Variants in SPTBN5 observed in about 807,000 individuals in gnomAD.
SPTBN5 encodes the protein spectrin beta, non-erythrocytic 5, also known as spectrin beta chain, non-erythrocytic 5.
A neutral mutation model predicts 477.6 loss-of-function variants in SPTBN5; 513 were observed. That is an observed-to-expected ratio of 1.07 (90% CI 1.00 to 1.16). The LOEUF (loss-of-function observed/expected upper bound fraction) is 1.16, where lower values mean the gene tolerates loss of function less well. Ranked by LOEUF, SPTBN5 falls within the 50% of genes most tolerant of loss-of-function variation. The pLI is 0.00. For missense variants in SPTBN5, 5,062 were observed against 4,731.8 expected, an observed-to-expected ratio of 1.07 and a Z score of -2.05; for synonymous variants, 2,169 against 2,011.7, an observed-to-expected ratio of 1.08 and a Z score of -2.09.
At position 41,871,898 on chromosome 15, in the gene SPTBN5, T is replaced by C; in HGVS notation, c.5185A>G (p.Thr1729Ala). 1 of 1,581,864 alleles carries C rather than the reference T, an allele frequency of 6.3e-7. No individual in the cohort carries two copies. The highest frequency in any genetic ancestry group is 2.3e-5 in the East Asian group (1 of 43,070). ...AATRDRELEGTLRLHEFLREA... is the reference protein window; with the variant it reads ...AATRDRELEGALRLHEFLREA... ...CTCAGGAACTCATGCAGCCTCAGGG[T>C]CCCCTCCAGTTCCCGGTCCCTGTGG... The change falls in exon 28 of 68, where the codon ACC becomes GCC. Residue 1729 changes from threonine (T) to alanine (A), a missense_variant. Coordinates refer to ENST00000320955, the MANE Select transcript of SPTBN5 (RefSeq NM_016642.4).
chr15:41,852,453 T>G, intron 61 of SPTBN5, 137 bp from the exon 62 acceptor site: 1 of 1,374,374 alleles, frequency 7.3e-7, no homozygotes, highest in African/African-American at 1.4e-5. Context: ...CTTTCAGCTT[T>G]GGCTCTGGAG....
Position 41,873,959 on chromosome 15 carries a change from GGGGTGCCCTGA to G in SPTBN5, c.4765_4775del (p.Ser1589ProfsTer24). ...ACTGCTCCACGATGTGTTGGGCTTG[GGGGTGCCCTGA>G]GGCTGCCAGGCTCCGCCCAGAACTC... is the stretch of plus-strand genomic sequence containing the variant. On this transcript the variant is annotated frameshift_variant, in exon 25 of 68. Transcript: ENST00000320955. LOFTEE classifies it high-confidence loss of function. 6.2e-7 allele frequency: 1 copy of G among 1,608,700 alleles called. No homozygotes were observed. The highest frequency in any genetic ancestry group is 8.5e-7 in the Non-Finnish European group (1 of 1,179,860).
At chr15:41,864,494 C>T (rs564068036) in intron 39 of SPTBN5, among the ~76,000 whole-genome samples, 6 of 152,150 alleles carry the variant, frequency 3.9e-5, no homozygotes, top group Non-Finnish European at 5.9e-5. Context: ...TTGTATTTTT[C>T]GTAGAGATGG....
Position 41,862,664 on chromosome 15 carries a change from CG to C in SPTBN5, c.7264-5del. Reference sequence around the variant, plus strand: ...GGCCCACTTCACGCTCTAGGGACTGCGGGGGAAGCCGGGGTCAGAGGCTGGG... The same window carrying C: ...GGCCCACTTCACGCTCTAGGGACTGCGGGGAAGCCGGGGTCAGAGGCTGGG... On this transcript the variant is annotated splice_region_variant and splice_polypyrimidine_tract_variant and intron_variant, in intron 42 of 67. Coordinates refer to ENST00000320955, the MANE Select transcript of SPTBN5 (RefSeq NM_016642.4). The C allele has an allele frequency of 1.3e-6, 2 of 1,547,504 alleles. No homozygotes were observed.
Position 41,868,384 on chromosome 15 carries a change from G to A in SPTBN5, c.6057+14C>T, listed in dbSNP as rs780358467. ...CAGCTAGGGTATGTGGGGGCACCAG[G>A]GGAGGGGGCCCACCTCCTTGGTGGG... On this transcript the variant is annotated intron_variant, in intron 33 of 67. Coordinates refer to ENST00000320955, the MANE Select transcript of SPTBN5 (RefSeq NM_016642.4). 4 of 1,594,234 alleles carry A rather than the reference G, an allele frequency of 2.5e-6. No homozygotes were observed. In the Admixed American group the frequency reaches 5.1e-5, roughly 20 times the overall value.
Position 41,851,080 on chromosome 15 carries a change from C to T in SPTBN5, c.10814G>A (p.Arg3605Lys). The T allele has an allele frequency of 6.2e-7, 1 of 1,612,710 alleles. No homozygotes were observed. Reference sequence around the variant, plus strand: ...TCACCTTAAGGAGAATGTGTGTTTCCTGCCGTGGCGGCCCCGCAGCCTCTC... The same window carrying T: ...TCACCTTAAGGAGAATGTGTGTTTCTTGCCGTGGCGGCCCCGCAGCCTCTC... ...RCERLRGRHGRKHTFSLRLTS... is the reference protein window; with the variant it reads ...RCERLRGRHGKKHTFSLRLTS... The change falls in exon 65 of 68, where the codon AGG becomes AAG. Residue 3605 changes from arginine (R) to lysine (K), a missense_variant. Arg to Lys is a conservative substitution (Grantham distance 26). Transcript: ENST00000320955.
chr15:41,866,297 T>C, intron 37 of SPTBN5, 47 bp downstream of exon 37: 1 of 1,571,156 alleles, frequency 6.4e-7, no homozygotes, highest in South Asian at 1.2e-5. Flanking sequence ...ACATTGCCCC[T>C]GGGCCACACT....
chr15:41,876,912 G>A lies in SPTBN5; in HGVS notation c.3748C>T (p.His1250Tyr). ...CTCAGGAGCCGCCCAAACTCCCGGTGCTGCTGCAGCAGGCTCAGGGCCTCC... is the reference window on the plus strand; with the variant it reads ...CTCAGGAGCCGCCCAAACTCCCGGTACTGCTGCAGCAGGCTCAGGGCCTCC... ...VREALSLLQQ[H>Y]REFGRLLSTL... The change falls in exon 19 of 68, where the codon CAC (histidine) becomes TAC (tyrosine). Residue 1250 changes from histidine (H) to tyrosine (Y), a missense_variant. Physicochemically the swap from His to Tyr is moderately conservative, Grantham distance 83. Transcript: ENST00000320955. 2 of 1,610,138 alleles carry A rather than the reference G, an allele frequency of 1.2e-6. No homozygotes were observed.
rs777507210 is a variant in SPTBN5, at chr15:41,867,067, A to C, written c.6372T>G (p.Leu2124=). 19 of 1,549,200 alleles carry C rather than the reference A, an allele frequency of 1.2e-5. No homozygotes were observed. The highest frequency in any genetic ancestry group is 1.7e-5 in the Non-Finnish European group (19 of 1,147,806). Residue 2124 remains leucine (L), a synonymous_variant, in exon 36 of 68, where the codon CTT becomes CTG. Coordinates refer to ENST00000320955, the MANE Select transcript of SPTBN5 (RefSeq NM_016642.4). ...TCATCCGGCGCTGCAGCAGGATGGG[A>C]AGCCGGTCCCGCACCCGGGGGCGCC... ...TLRRPRVRDR[L]PILLQRRMRV... is the part of the protein sequence containing the mutation.
chr15:41,861,221 G>A (rs1205671683), intron 46 of SPTBN5, among the ~76,000 whole-genome samples, 198 bp downstream of exon 46: 1 of 152,212 alleles, frequency 6.6e-6, no homozygotes, highest in Non-Finnish European at 1.5e-5. Context: ...GTTCGCGGTG[G>A]GGCCTGCCCA....
chr15:41,855,762 G>A lies in SPTBN5; in HGVS notation c.9022-17C>T. On this transcript the variant is annotated splice_polypyrimidine_tract_variant and intron_variant, in intron 53 of 67. Transcript: ENST00000320955. ...CTCCAGGAGCTGGGGGTGACAGAGT[G>A]GAGATCCGTTTTCCCGGGGCACCCT... is the stretch of plus-strand genomic sequence containing the variant. 6.4e-7 allele frequency: 1 copy of A among 1,552,680 alleles called. No homozygotes were observed. Among genetic ancestry groups the A allele is most frequent in the East Asian group, 2.3e-5 (1 of 42,750 alleles).
chr15:41,874,972 G>T lies in SPTBN5; in HGVS notation c.4372C>A (p.Gln1458Lys), dbSNP rs1275353320. ...CTCTCCAGCTGTTGGTGCCGTTTCTGCAGCCTCTGGCTGGAGCGCAGGTCC... is the reference window on the plus strand; with the variant it reads ...CTCTCCAGCTGTTGGTGCCGTTTCTTCAGCCTCTGGCTGGAGCGCAGGTCC... Reference protein sequence around the residue: ...GQDLRSSQRLQKRHQQLESES... With the variant: ...GQDLRSSQRLKKRHQQLESES... Residue 1458 changes from glutamine (Q) to lysine (K), a missense_variant, in exon 23 of 68, where the codon CAG becomes AAG. By Grantham distance (53) the Gln-to-Lys change is moderately conservative (BLOSUM62 1). Transcript: ENST00000320955. 1 of 1,613,708 alleles carries T rather than the reference G, an allele frequency of 6.2e-7. No individual in the cohort carries two copies. Among genetic ancestry groups the T allele is most frequent in the East Asian group, 2.2e-5 (1 of 44,870 alleles).
rs1162793817 is a variant in SPTBN5, at chr15:41,876,124, G to A, written c.4112C>T (p.Ala1371Val). 1.2e-6 allele frequency: 2 copies of A among 1,600,594 alleles called. No homozygotes were observed. Among genetic ancestry groups the A allele is most frequent in the Non-Finnish European group, 8.5e-7 (1 of 1,178,260 alleles). ...ELLATRRHVE[A>V]LQQVGRELLS... is the part of the protein sequence containing the mutation. ...TCCCGTGTCCCCCACCTGCTGCAGG[G>A]CCTCCACGTGTCTGCGGGTGGCGAG... Residue 1371 changes from alanine to valine, a missense_variant, in exon 21 of 68, where the codon GCC (alanine) becomes GTC (valine). By Grantham distance (64) the Ala-to-Val change is moderately conservative. Coordinates refer to ENST00000320955, the MANE Select transcript of SPTBN5 (RefSeq NM_016642.4).
chr15:41,854,841 T>C lies in SPTBN5; in HGVS notation c.9559A>G (p.Arg3187Gly), dbSNP rs762482758. The change falls in exon 56 of 68, where the codon AGG becomes GGG. Residue 3187 changes from arginine to glycine, a missense_variant. Arg to Gly is a moderately radical substitution (Grantham distance 125). Transcript: ENST00000320955. ...TCCCAAGCAGCCTCAATGCGGCTCC[T>C]CTGGGCTTGGATGTGGGGATAGCGC... is the stretch of plus-strand genomic sequence containing the variant. ...PRRYPHIQAQ[R>G]SRIEAAWERL... 2.5e-6 allele frequency: 4 copies of C among 1,604,446 alleles called. No individual in the cohort carries two copies. In the Admixed American group the frequency reaches 6.8e-5, roughly 27 times the overall value.
In SPTBN5 at chr15:41,865,824, C is replaced by T. The variant is rs189675082; in HGVS notation, c.6902G>A (p.Arg2301Gln). 657 of 1,564,560 alleles carry T rather than the reference C, an allele frequency of 4.2e-4. 5 individuals are homozygous for T. The East Asian group carries it at 0.014, about 32-fold the overall frequency. The change falls in exon 39 of 68, where the codon CGA becomes CAA. Residue 2301 changes from arginine to glutamine, a missense_variant. Coordinates refer to ENST00000320955, the MANE Select transcript of SPTBN5 (RefSeq NM_016642.4). ...LQLRRRLREF[R>Q]GNSAGDTVGD... The stretch of plus-strand genomic sequence containing the variant: ...CCCTCTTACCCCGGCCGAGTTTCCT[C>T]GGAACTCGCGGAGCCGCCGTCGGAG...
chr15:41,871,715 G>C (rs2066542673), intron 28 of SPTBN5, 67 bp downstream of exon 28: 3 of 1,443,356 alleles, frequency 2.1e-6, no homozygotes, highest in African/African-American at 1.4e-5. Flanking sequence ...CGCCCCGCCA[G>C]AGCCAGCTTC....
chr15:41,882,989 C>T lies in SPTBN5; in HGVS notation c.1892+7G>A, dbSNP rs2067024643. The T allele has an allele frequency of 3.3e-6, 5 of 1,534,598 alleles. No individual in the cohort carries two copies. The highest frequency in any genetic ancestry group is 4.4e-6 in the Non-Finnish European group (5 of 1,144,124). On this transcript the variant is annotated splice_region_variant and intron_variant, in intron 9 of 67. Transcript: ENST00000320955. ...GGAAAGGTGGAAGAGTTGGGGCAGG[C>T]TCTTACCGGGCCCTGACAAGAGCCA...
intron 14 of SPTBN5, 51 bp from the exon 15 acceptor site, chr15:41,879,915 A>T: frequency 6.2e-7 from 1 of 1,606,416 alleles, no homozygotes; most frequent in Non-Finnish European, 8.5e-7. Flanking sequence ...CTCTTTCCAC[A>T]CTCCCCTCTA....
chr15:41,886,496 G>T, intron 6 of SPTBN5, 130 bp from the exon 7 acceptor site: 2 of 1,063,394 alleles, frequency 1.9e-6, no homozygotes, highest in Non-Finnish European at 2.6e-6. Context: ...TTGAAGTGGT[G>T]GTACCCCCAC....
Sources: gnomAD v4.1 joint callset for allele counts (sites outside exome capture counted in the v4.1 genomes callset) on GRCh38, gnomAD v4.1.1 for gene constraint, MANE v1.5 for transcripts, NCBI Gene and HGNC (gene_info 2026-07-23, HGNC 2026-07-21) for gene names.